PALLD: variants seen among roughly 807,000 people sequenced by gnomAD.
The protein encoded by PALLD is palladin, cytoskeletal associated protein.
A neutral mutation model predicts 123.5 loss-of-function variants in PALLD; 61 were observed. That is an observed-to-expected ratio of 0.49 (90% CI 0.40 to 0.61). PALLD has a LOEUF of 0.61. PALLD is among the 20% of genes least tolerant of loss of function. The pLI is 0.00. For synonymous variants in PALLD, 465 were observed against 496.4 expected (o/e 0.94, Z 0.84); for missense variants, 1,273 against 1,377.0 (o/e 0.92, Z 1.20).
chr4:168,686,094 A>G (rs766619921), intron 6 of PALLD, among the ~76,000 whole-genome samples: 2 of 152,102 alleles, frequency 1.3e-5, no homozygotes, highest in Non-Finnish European at 2.9e-5. Flanking sequence ...ATAAATGGAG[A>G]CATATGACAT....
At chr4:168,709,422 AT>A (rs1399567713) in intron 9 of PALLD, among the ~76,000 whole-genome samples, 1 of 150,792 alleles carries the variant, frequency 6.6e-6, no homozygotes, top group Admixed American at 6.6e-5. Context: ...AGGCAGGAGA[AT>A]CACTTGAACC....
At position 168,878,682 on chromosome 4, in the gene PALLD, T is replaced by TTG. The variant is rs1553965735; in HGVS notation, c.1965-12240_1965-12239insTG. On this transcript the variant is annotated intron_variant, in intron 10 of 21. Transcript: ENST00000505667. ...ATGCAGTGCCCTCTCTTAATCATTA[T>TTG]GGGGGGGGGGGTGCTTAGCTATCAT... Among the ~76,000 whole-genome samples, 7,649 of 83,666 alleles carry TTG rather than the reference T, an allele frequency of 0.091. 359 individuals carry two copies. The highest frequency in any genetic ancestry group is 0.13 in the Non-Finnish European group (4,473 of 33,142). The allele number at this position is 83,666 out of a possible 152,430, so 54.9% of individuals were successfully genotyped here.
chr4:168,777,297 C>A (rs1430484305), intron 10 of PALLD, among the ~76,000 whole-genome samples: 1 of 152,160 alleles, frequency 6.6e-6, no homozygotes, highest in African/African-American at 2.4e-5. Context: ...AGCACTGCTG[C>A]AGTTATGGCT....
chr4:168,909,954 A>T (rs1758573806), intron 15 of PALLD, among the ~76,000 whole-genome samples: 1 of 152,190 alleles, frequency 6.6e-6, no homozygotes, highest in Non-Finnish European at 1.5e-5. Context: ...TTGGTTAGTA[A>T]TATATTTAGC....
chr4:168,853,366 CTCCCTCCCAGCTCGCATTT>C (rs779421554), intron 10 of PALLD, among the ~76,000 whole-genome samples: 3 of 152,182 alleles, frequency 2.0e-5, no homozygotes, highest in Non-Finnish European at 4.4e-5. Flanking sequence ...TGTCAGCATC[CTCCCTCCCAGCTCGCATTT>C]TACCAAAGCT....
At chr4:168,570,183 T>C (rs549277471) in intron 2 of PALLD, among the ~76,000 whole-genome samples, 3 of 152,314 alleles carry the variant, frequency 2.0e-5, no homozygotes, top group African/African-American at 7.2e-5. Context: ...TTGCGGGGCT[T>C]ACTACTAGAA....
chr4:168,515,680 G>C (rs1301920729), intron 2 of PALLD, among the ~76,000 whole-genome samples: 1 of 152,184 alleles, frequency 6.6e-6, no homozygotes, highest in Non-Finnish European at 1.5e-5. Context: ...GTAGGATCAA[G>C]ATACAGGAGC....
At chr4:168,697,117 C>T (rs1290966322) in intron 8 of PALLD, among the ~76,000 whole-genome samples, 1 of 152,166 alleles carries the variant, frequency 6.6e-6, no homozygotes, top group African/African-American at 2.4e-5. Context: ...TAGGCCTTCT[C>T]AGCAGTCACA....
chr4:168,727,477 AT>A (rs1786708370), intron 10 of PALLD, among the ~76,000 whole-genome samples: 1 of 152,020 alleles, frequency 6.6e-6, no homozygotes, highest in Non-Finnish European at 1.5e-5. Flanking sequence ...AGTGATAAGC[AT>A]TTTTTCATAT....
chr4:168,824,438 A>G (rs1743141993), intron 10 of PALLD, among the ~76,000 whole-genome samples: 1 of 152,212 alleles, frequency 6.6e-6, no homozygotes, highest in African/African-American at 2.4e-5. Context: ...GAAAATATTC[A>G]TAGGCCACCA....
chr4:168,896,672 G>C (rs969824644), intron 13 of PALLD, 73 bp downstream of exon 13: 1 of 831,030 alleles, frequency 1.2e-6, no homozygotes, highest in Non-Finnish European at 1.9e-6. Flanking sequence ...CCTGTTTTAC[G>C]TGTGTTTCTA....
Position 168,512,366 on chromosome 4 carries a change from G to A in PALLD, c.862G>A (p.Val288Ile), listed in dbSNP as rs1247208951. Reference protein sequence around the residue: ...RSQEVAEGSRVYLECRVTGNP... With the variant: ...RSQEVAEGSRIYLECRVTGNP... ...CCAAGAAGTAGCAGAAGGGAGCCGA[G>A]TTTATCTGGAGTGTAGAGTCACTGG... The change falls in exon 2 of 22, where the codon GTT becomes ATT. Residue 288 changes from valine to isoleucine, a missense_variant. Around this residue, in one of 2 missense-constraint regions of PALLD, gnomAD observed 944 missense variants for 954.5 expected, o/e 0.99. Transcript: ENST00000505667. 5 of 1,613,906 alleles carry A rather than the reference G, an allele frequency of 3.1e-6. No homozygotes were observed. The South Asian group carries it at 5.5e-5, about 18-fold the overall frequency.
intron 1 of PALLD, among the ~76,000 whole-genome samples, chr4:168,498,793 T>C (rs1561173827): frequency 6.6e-6 from 1 of 152,178 alleles, no homozygotes; most frequent in Non-Finnish European, 1.5e-5. Context: ...AAGCCCTGAA[T>C]TGGATAATGG....
chr4:168,624,960 T>G (rs1271744455), intron 2 of PALLD, among the ~76,000 whole-genome samples: 1 of 152,144 alleles, frequency 6.6e-6, no homozygotes, highest in Non-Finnish European at 1.5e-5. Flanking sequence ...AAAGACTTGA[T>G]AACATGAAGA....
chr4:168,742,914 T>C (rs1223987384), intron 10 of PALLD, among the ~76,000 whole-genome samples: 1 of 152,228 alleles, frequency 6.6e-6, no homozygotes, highest in African/African-American at 2.4e-5. Context: ...TCCCTCCTTT[T>C]GATTTTCAGT....
At chr4:168,605,215 T>C (rs1305239975) in intron 2 of PALLD, among the ~76,000 whole-genome samples, 1 of 150,632 alleles carries the variant, frequency 6.6e-6, no homozygotes, top group Admixed American at 6.6e-5. Context: ...GAGCAGTGGT[T>C]CTCAAGCCTG....
chr4:168,539,833 T>C (rs1765440952), intron 2 of PALLD, among the ~76,000 whole-genome samples: 1 of 152,154 alleles, frequency 6.6e-6, no homozygotes, highest in Non-Finnish European at 1.5e-5. Flanking sequence ...ACTTTTAGAT[T>C]CAGGGGGTAC....
At chr4:168,629,995 A>G (rs1403880860) in intron 2 of PALLD, among the ~76,000 whole-genome samples, 7 of 152,320 alleles carry the variant, frequency 4.6e-5, no homozygotes, top group African/African-American at 1.4e-4. Context: ...AGGTTTAGCG[A>G]AAGTAGTTGG....
At chr4:168,771,076 C>CA (rs201127407) in intron 10 of PALLD, among the ~76,000 whole-genome samples, 1,608 of 36,848 alleles carry the variant, frequency 0.044, 69 homozygotes, top group East Asian at 0.36. Flanking sequence ...AAAAAAAAAA[C>CA]AAAAAAAAAA....
Sources: allele counts gnomAD v4.1 joint callset (sites outside exome capture counted in the v4.1 genomes callset), GRCh38; gene constraint gnomAD v4.1.1; regional missense constraint gnomAD v4.1.1; transcripts MANE v1.5; gene names NCBI Gene and HGNC (gene_info 2026-07-23, HGNC 2026-07-21).